Variants in UNC13C observed in about 807,000 individuals in gnomAD.
UNC13C encodes unc-13 homolog C, also known as protein unc-13 homolog C.
A neutral mutation model predicts 245.4 loss-of-function variants in UNC13C; 174 were observed. That is an observed-to-expected ratio of 0.71 (90% CI 0.63 to 0.80). UNC13C has a LOEUF of 0.80. Ranked by LOEUF, UNC13C falls within the 30% of genes least tolerant of loss-of-function variation. UNC13C has a pLI of 0.00. For synonymous variants in UNC13C, 992 were observed against 895.1 expected (o/e 1.11, Z -1.93); for missense variants, 2,829 against 2,602.9 (o/e 1.09, Z -1.89).
At chr15:53,884,757 C>A in the UNC13C span, among the ~76,000 whole-genome samples, 1 of 152,250 alleles carries the variant, frequency 6.6e-6, no homozygotes, top group Admixed American at 6.5e-5. Flanking sequence ...TGGACTTACT[C>A]TTTTGGAATT....
At chr15:53,985,676 A>G (rs1409697896) in intron 1 of UNC13C, among the ~76,000 whole-genome samples, 1 of 151,984 alleles carries the variant, frequency 6.6e-6, no homozygotes, top group East Asian at 1.9e-4. Flanking sequence ...TAGCTATGAG[A>G]GTGGTGGAAG....
chr15:54,077,028 A>C (rs1385764957), intron 2 of UNC13C, among the ~76,000 whole-genome samples: 1 of 152,184 alleles, frequency 6.6e-6, no homozygotes, highest in Non-Finnish European at 1.5e-5. Context: ...GTAGCTTATC[A>C]AGGTCACATG....
chr15:54,443,244 G>A (rs1890629466), intron 19 of UNC13C, among the ~76,000 whole-genome samples: 1 of 152,038 alleles, frequency 6.6e-6, no homozygotes, highest in Non-Finnish European at 1.5e-5. Context: ...CATTTCTGTA[G>A]TATCAGTTAT....
intron 17 of UNC13C, among the ~76,000 whole-genome samples, chr15:54,362,787 T>C (rs774674878): frequency 6.6e-5 from 10 of 152,038 alleles, no homozygotes; most frequent in African/African-American, 7.2e-5. Flanking sequence ...AAAGTTAAAA[T>C]GTGGAAAATG....
At chr15:54,476,473 A>G (rs2141053045) in intron 19 of UNC13C, among the ~76,000 whole-genome samples, 1 of 128,496 alleles carries the variant, frequency 7.8e-6, no homozygotes, top group Admixed American at 7.5e-5. Flanking sequence ...TCTATCTTGA[A>G]TTAATTTTTG....
intron 13 of UNC13C, among the ~76,000 whole-genome samples, chr15:54,305,378 T>C (rs1361791162): frequency 6.6e-6 from 1 of 152,086 alleles, no homozygotes; most frequent in East Asian, 1.9e-4. Context: ...GAGTACTGAG[T>C]TCTTTTTTCA....
In UNC13C at chr15:53,987,052, T is replaced by A. The variant is rs2725592; in HGVS notation, c.-257+8125T>A. On this transcript the variant is annotated intron_variant, in intron 1 of 32. Transcript: ENST00000260323. ...GCTTACCTTTGTCTGCAATATTGCA[T>A]GATAAGATACACATTATAATGTCAT... Among the ~76,000 whole-genome samples, 10 of 152,028 alleles carry A rather than the reference T, an allele frequency of 6.6e-5. No homozygotes were observed. The East Asian group carries it at 1.7e-3, about 26-fold the overall frequency.
At chr15:54,056,824 G>T (rs1897552092) in intron 2 of UNC13C, among the ~76,000 whole-genome samples, 5 of 152,318 alleles carry the variant, frequency 3.3e-5, no homozygotes, top group Admixed American at 6.5e-5. Flanking sequence ...TTAAAGAAAA[G>T]AATTTTCAAC....
chr15:54,460,204 T>A (rs935083947), intron 19 of UNC13C, among the ~76,000 whole-genome samples: 1 of 152,218 alleles, frequency 6.6e-6, no homozygotes, highest in Non-Finnish European at 1.5e-5. Context: ...GCTCTGGGCT[T>A]GTGCTGTGGA....
chr15:54,240,234 T>C (rs2035815243), intron 7 of UNC13C, among the ~76,000 whole-genome samples: 1 of 152,194 alleles, frequency 6.6e-6, no homozygotes, highest in Non-Finnish European at 1.5e-5. Context: ...TAAAGCCCAT[T>C]TCCCTGGGAC....
At chr15:53,972,711 C>T in the UNC13C span, 3 of 152,104 alleles carry the variant, frequency 2.0e-5, no homozygotes, top group Non-Finnish European at 2.9e-5. Flanking sequence ...TTTCACTGCT[C>T]TTGGGGTCAT....
chr15:53,874,774 G>A, the UNC13C span, among the ~76,000 whole-genome samples: 1 of 152,074 alleles, frequency 6.6e-6, no homozygotes, highest in Non-Finnish European at 1.5e-5. Context: ...CATATACTTG[G>A]CACTTCTTTA....
the UNC13C span, among the ~76,000 whole-genome samples, chr15:53,918,327 T>G: frequency 9.0e-6 from 1 of 111,666 alleles, no homozygotes; most frequent in Non-Finnish European, 1.9e-5. Context: ...TTCTTCCTGT[T>G]GTCAACAAAT....
At chr15:53,905,337 TAA>T in the UNC13C span, among the ~76,000 whole-genome samples, 1 of 151,580 alleles carries the variant, frequency 6.6e-6, no homozygotes, top group East Asian at 1.9e-4. Context: ...GATGAATGTA[TAA>T]GATTTCATCT....
At chr15:53,899,361 CTT>C in the UNC13C span, among the ~76,000 whole-genome samples, 1 of 152,214 alleles carries the variant, frequency 6.6e-6, no homozygotes, top group Admixed American at 6.5e-5. Flanking sequence ...TCATTTTCCT[CTT>C]TGTCTCAAAT....
At chr15:54,381,165 T>G (rs1181551966) in intron 17 of UNC13C, among the ~76,000 whole-genome samples, 1 of 152,190 alleles carries the variant, frequency 6.6e-6, no homozygotes, top group African/African-American at 2.4e-5. Context: ...ATAATTTTAT[T>G]CTTCTGCATG....
intron 14 of UNC13C, among the ~76,000 whole-genome samples, chr15:54,326,925 A>G (rs1333429106): frequency 6.6e-6 from 1 of 152,068 alleles, no homozygotes; most frequent in African/African-American, 2.4e-5. Flanking sequence ...AAAAGTATTT[A>G]CAACATGAAA....
intron 10 of UNC13C, among the ~76,000 whole-genome samples, chr15:54,285,888 T>C (rs1462523264): frequency 6.6e-6 from 1 of 151,754 alleles, no homozygotes; most frequent in African/African-American, 2.4e-5. Context: ...TATTTATTTA[T>C]TTTTTTTAAG....
chr15:53,972,681 G>C, the UNC13C span: 1 of 152,166 alleles, frequency 6.6e-6, no homozygotes, highest in Admixed American at 6.5e-5. Context: ...CAGTCATCAG[G>C]AAGCTTCTGT....
Sources: gnomAD v4.1 joint callset for allele counts (sites outside exome capture counted in the v4.1 genomes callset) on GRCh38, gnomAD v4.1.1 for gene constraint, MANE v1.5 for transcripts, NCBI Gene and HGNC (gene_info 2026-07-23, HGNC 2026-07-21) for gene names.